The following STPG2 variants were observed in gnomAD, a reference collection of about 807,000 sequenced individuals.
STPG2 encodes the protein sperm tail PG-rich repeat containing 2.
A neutral mutation model predicts 54.2 loss-of-function variants in STPG2; 56 were observed. The ratio of observed to expected loss-of-function variants is 1.03; its 90% CI spans 0.83 to 1.29. The LOEUF is 1.29. Among genes scored for constraint, STPG2 ranks in the 50% most tolerant of loss-of-function variants. The pLI is 0.00. For synonymous variants in STPG2, 200 were observed against 181.8 expected (o/e 1.10, Z -0.81); for missense variants, 596 against 544.9 (o/e 1.09, Z -0.93).
chr4:97,918,746 A>T (rs757414867), intron 8 of STPG2, among the ~76,000 whole-genome samples: 2 of 152,132 alleles, frequency 1.3e-5, no homozygotes, highest in Non-Finnish European at 2.9e-5. Flanking sequence ...GTTCTCACTT[A>T]TAAGTAGGAG....
intron 5 of STPG2, among the ~76,000 whole-genome samples, chr4:97,995,244 G>A (rs924402329): frequency 1.4e-5 from 2 of 147,952 alleles, no homozygotes; most frequent in Non-Finnish European, 3.0e-5. Flanking sequence ...CTTGCCCAAG[G>A]CTACAAGCCT....
At chr4:97,480,134 A>G (rs1306025985) in intron 4 of STPG2, among the ~76,000 whole-genome samples, 1 of 151,764 alleles carries the variant, frequency 6.6e-6, no homozygotes, top group Non-Finnish European at 1.5e-5. Flanking sequence ...GTACAGATCT[A>G]TAGATATTAG....
At chr4:97,800,683 G>A (rs1293885465) in intron 9 of STPG2, among the ~76,000 whole-genome samples, 1 of 152,160 alleles carries the variant, frequency 6.6e-6, no homozygotes, top group African/African-American at 2.4e-5. Flanking sequence ...ACTCCATGCT[G>A]GGAGAACCAC....
intron 10 of STPG2, among the ~76,000 whole-genome samples, chr4:97,638,216 C>A (rs531852570): frequency 1.3e-5 from 2 of 152,072 alleles, no homozygotes; most frequent in Non-Finnish European, 2.9e-5. Flanking sequence ...TGATCTTTGA[C>A]AAACCTGACA....
In STPG2 at chr4:97,616,048, ATACATATAAATATATATAT is replaced by A. The variant is rs1345671003; in HGVS notation, c.1321-56950_1321-56932del. ...CAAGACTCTGTCTCAAAAAAAAAAA[ATACATATAAATATATATAT>A]ATATATATATATATATATATATATA... On this transcript the variant is annotated intron_variant, in intron 10 of 10. Transcript: ENST00000295268. Among the ~76,000 whole-genome samples the A allele has an allele frequency of 2.3e-4, 21 of 91,882 alleles. 1 individual carries two copies. The highest frequency in any genetic ancestry group is 6.2e-4 in the African/African-American group (15 of 24,102). 60.3% of individuals were successfully genotyped at this position (91,882 alleles called of 152,430 possible). A position where few individuals can be genotyped will look rare whatever the true frequency, so the allele number is the denominator to read the frequency against.
intron 5 of STPG2, among the ~76,000 whole-genome samples, chr4:98,050,727 C>T (rs890505250): frequency 9.2e-5 from 14 of 152,238 alleles, no homozygotes; most frequent in East Asian, 1.9e-4. Flanking sequence ...AAAAGGAAGC[C>T]GGGCGCGGTG....
At chr4:98,030,691 T>C (rs886573249) in intron 5 of STPG2, among the ~76,000 whole-genome samples, 30 of 152,188 alleles carry the variant, frequency 2.0e-4, no homozygotes, top group Non-Finnish European at 3.5e-4. Context: ...AATAGTCACA[T>C]AGACCAACAG....
intron 7 of STPG2, among the ~76,000 whole-genome samples, chr4:97,964,968 G>A (rs1201517615): frequency 6.6e-6 from 1 of 152,126 alleles, no homozygotes; most frequent in Non-Finnish European, 1.5e-5. Flanking sequence ...GAGGCACCTG[G>A]TTCATCTCAC....
intron 4 of STPG2, among the ~76,000 whole-genome samples, chr4:97,517,031 C>T (rs1731089753): frequency 6.6e-6 from 1 of 151,854 alleles, no homozygotes; most frequent in Non-Finnish European, 1.5e-5. Flanking sequence ...CCTCAGCCTC[C>T]TGAGTAGCTG....
intron 4 of STPG2, among the ~76,000 whole-genome samples, chr4:97,522,402 T>G (rs1731201856): frequency 1.3e-5 from 2 of 151,986 alleles, no homozygotes; most frequent in South Asian, 4.1e-4. Context: ...ATTTTGTAGG[T>G]TTTTAAACTC....
At chr4:97,628,792 G>A (rs1458883992) in intron 10 of STPG2, among the ~76,000 whole-genome samples, 1 of 151,956 alleles carries the variant, frequency 6.6e-6, no homozygotes, top group African/African-American at 2.4e-5. Flanking sequence ...GCATATTTTT[G>A]TTCTTACTGA....
At chr4:97,997,970 T>C (rs998444915) in intron 5 of STPG2, among the ~76,000 whole-genome samples, 3 of 152,122 alleles carry the variant, frequency 2.0e-5, no homozygotes, top group Non-Finnish European at 4.4e-5. Context: ...ATGAAGAAGA[T>C]ATTAAAGAAC....
chr4:97,862,644 T>C (rs1191519505), intron 8 of STPG2, among the ~76,000 whole-genome samples: 2 of 152,266 alleles, frequency 1.3e-5, no homozygotes, highest in African/African-American at 2.4e-5. Context: ...AGAATATACA[T>C]TCTTCTCAGC....
chr4:97,661,164 T>C (rs1250207351), intron 10 of STPG2, among the ~76,000 whole-genome samples: 1 of 152,152 alleles, frequency 6.6e-6, no homozygotes, highest in African/African-American at 2.4e-5. Flanking sequence ...CCGTGGGTAA[T>C]ATAGAATCAT....
intron 8 of STPG2, among the ~76,000 whole-genome samples, chr4:97,909,698 ATAAG>A (rs1402770729): frequency 2.0e-5 from 3 of 152,242 alleles, no homozygotes; most frequent in African/African-American, 4.8e-5. Flanking sequence ...TTAAAAAATC[ATAAG>A]TAACCCAATA....
intron 8 of STPG2, among the ~76,000 whole-genome samples, chr4:97,931,631 G>C (rs1381908627): frequency 1.3e-5 from 2 of 150,582 alleles, no homozygotes; most frequent in Admixed American, 1.3e-4. Context: ...AAAGATGTTG[G>C]CTTGAAGTTT....
At chr4:97,594,288 C>G (rs1215143246) in intron 10 of STPG2, among the ~76,000 whole-genome samples, 1 of 152,094 alleles carries the variant, frequency 6.6e-6, no homozygotes, top group East Asian at 1.9e-4. Context: ...CACAAAATAA[C>G]CATTTTAAGA....
chr4:97,797,942 C>A (rs1727254808), intron 9 of STPG2, among the ~76,000 whole-genome samples: 1 of 152,162 alleles, frequency 6.6e-6, no homozygotes, highest in African/African-American at 2.4e-5. Context: ...AGGAACTTAT[C>A]CATTTCTTCT....
intron 8 of STPG2, among the ~76,000 whole-genome samples, chr4:97,888,234 G>A (rs2149172141): frequency 6.6e-6 from 1 of 152,224 alleles, no homozygotes; most frequent in African/African-American, 2.4e-5. Flanking sequence ...TGATAAGAGG[G>A]CCACCATCCT....
Sources: gnomAD v4.1 joint callset for allele counts (sites outside exome capture counted in the v4.1 genomes callset) on GRCh38, gnomAD v4.1.1 for gene constraint, MANE v1.5 for transcripts, NCBI Gene and HGNC (gene_info 2026-07-23, HGNC 2026-07-21) for gene names.